The following GRAP2 variants were observed in gnomAD, a reference collection of about 807,000 sequenced individuals.
GRAP2 encodes GRB2-related adapter protein 2.
Under a neutral mutation model 43.5 loss-of-function variants are expected in GRAP2, and 31 were observed. The ratio of observed to expected loss-of-function variants is 0.71; its 90% CI spans 0.54 to 0.96. The LOEUF (loss-of-function observed/expected upper bound fraction) is 0.96. Among genes scored for constraint, GRAP2 ranks in the 40% least tolerant of loss-of-function variants. GRAP2 has a pLI of 0.00. For synonymous variants in GRAP2, 156 were observed against 164.8 expected, an observed-to-expected ratio of 0.95 and a Z score of 0.41; for missense variants, 371 against 424.4, an observed-to-expected ratio of 0.87 and a Z score of 1.11.
chr22:39,935,085 G>C (rs896202521), intron 1 of GRAP2, among the ~76,000 whole-genome samples: 1 of 152,324 alleles, frequency 6.6e-6, no homozygotes, highest in African/African-American at 2.4e-5. Flanking sequence ...AGGAGATCAA[G>C]AGTTGGAACC....
chr22:39,926,913 G>A (rs1438147537), intron 1 of GRAP2: 1 of 913,848 alleles, frequency 1.1e-6, no homozygotes, highest in Non-Finnish European at 1.3e-6. Flanking sequence ...GAAAGATTGA[G>A]GCAGAAGCTG....
chr22:39,899,075 C>T (rs2066476576), upstream of GRAP2, among the ~76,000 whole-genome samples: 1 of 152,192 alleles, frequency 6.6e-6, no homozygotes, highest in Non-Finnish European at 1.5e-5. Context: ...TGCCTTTGCA[C>T]TCGTTCAGTT....
intron 5 of GRAP2, among the ~76,000 whole-genome samples, 187 bp downstream of exon 5, chr22:39,966,345 G>A (rs142608408): frequency 1.7e-4 from 26 of 152,288 alleles, no homozygotes; most frequent in African/African-American, 3.6e-4. Context: ...AGTTCTCTGC[G>A]CCTCAGTTTC....
At chr22:39,962,284 C>T (rs2067127629) in intron 4 of GRAP2, among the ~76,000 whole-genome samples, 1 of 152,010 alleles carries the variant, frequency 6.6e-6, no homozygotes, top group Non-Finnish European at 1.5e-5. Flanking sequence ...TAACCCAGTG[C>T]AGTGGCGCAT....
At chr22:39,940,385 T>G (rs2066855611) in intron 1 of GRAP2, among the ~76,000 whole-genome samples, 2 of 25,174 alleles carry the variant, frequency 7.9e-5, no homozygotes, top group African/African-American at 6.2e-4. Context: ...TTTTGTTTGT[T>G]TTTTTTTTTT....
At chr22:39,929,583 ATGCGTCTCCTGC>A (rs1396737174) in intron 1 of GRAP2, among the ~76,000 whole-genome samples, 1 of 152,108 alleles carries the variant, frequency 6.6e-6, no homozygotes, top group Admixed American at 6.5e-5. Flanking sequence ...CAAAGGGGAG[ATGCGTCTCCTGC>A]TGAACAAATG....
intron 1 of GRAP2, among the ~76,000 whole-genome samples, chr22:39,939,067 T>TA (rs2066837364): frequency 6.6e-6 from 1 of 152,172 alleles, no homozygotes; most frequent in Non-Finnish European, 1.5e-5. Context: ...CAAAACCACC[T>TA]AAAATGGAGG....
At chr22:39,936,679 GGAGA>G (rs1282709988) in intron 1 of GRAP2, among the ~76,000 whole-genome samples, 3 of 152,084 alleles carry the variant, frequency 2.0e-5, no homozygotes, top group South Asian at 4.2e-4. Flanking sequence ...ACAGACAGAA[GGAGA>G]GAGAGAGAAA....
intron 1 of GRAP2, among the ~76,000 whole-genome samples, chr22:39,939,557 G>A (rs868601860): frequency 1.1e-4 from 8 of 72,210 alleles, no homozygotes; most frequent in African/African-American, 4.6e-4. Flanking sequence ...GTGAGACTCC[G>A]TCTCAAAAAA....
intron 1 of GRAP2, among the ~76,000 whole-genome samples, chr22:39,944,612 A>C (rs1239864774): frequency 6.6e-6 from 1 of 152,180 alleles, no homozygotes. Context: ...TGGCTTTGCC[A>C]TACCGCCTAC....
intron 1 of GRAP2, among the ~76,000 whole-genome samples, chr22:39,921,278 C>T (rs2066649522): frequency 6.6e-6 from 1 of 152,152 alleles, no homozygotes; most frequent in Admixed American, 6.5e-5. Flanking sequence ...GCTTAACCAC[C>T]TTGAACCTCT....
rs2066490751 is a variant in GRAP2, at chr22:39,901,255, C to G, written c.-90C>G. The G allele has an allele frequency of 7.8e-7, 1 of 1,274,376 alleles. No homozygotes were observed. Among genetic ancestry groups the G allele is most frequent in the African/African-American group, 1.5e-5 (1 of 65,544 alleles). The allele number at this position is 1,274,376 out of a possible 1,614,324, so 78.9% of individuals were successfully genotyped here. A position where few individuals can be genotyped will look rare whatever the true frequency, so the allele number is the denominator to read the frequency against. ...GTAACTCTGATGCTTGAATTTGTCT[C>G]CCTTCTTGCCAGAAAGGATTCTAAT... is the stretch of plus-strand genomic sequence containing the variant. On this transcript the variant is annotated 5_prime_UTR_variant, in exon 1 of 8. Coordinates refer to ENST00000344138, the MANE Select transcript of GRAP2 (RefSeq NM_004810.4).
At chr22:39,906,082 G>A (rs1478976434) in intron 1 of GRAP2, among the ~76,000 whole-genome samples, 3 of 151,964 alleles carry the variant, frequency 2.0e-5, no homozygotes, top group Non-Finnish European at 4.4e-5. Context: ...ATGAAGTAAT[G>A]GGGGGAAAAA....
intron 1 of GRAP2, among the ~76,000 whole-genome samples, chr22:39,910,882 C>T (rs1022865515): frequency 6.6e-6 from 1 of 152,126 alleles, no homozygotes; most frequent in Non-Finnish European, 1.5e-5. Context: ...GAGTACTTAC[C>T]TGCTGGTGCA....
At chr22:39,922,251 T>C (rs1032486685) in intron 1 of GRAP2, among the ~76,000 whole-genome samples, 1 of 152,050 alleles carries the variant, frequency 6.6e-6, no homozygotes, top group Non-Finnish European at 1.5e-5. Flanking sequence ...AATGAGAAGA[T>C]GAGGCCAGGG....
Position 39,971,839 on chromosome 22 carries a change from G to T in GRAP2, c.*755G>T, listed in dbSNP as rs1321092635. On this transcript the variant is annotated 3_prime_UTR_variant, in exon 8 of 8. Transcript: ENST00000344138. ...AAGCAGCTTACTCAGTGGAACCTCT[G>T]TTTCCCCAGCTATGAAGGAAATAGC... 3.3e-5 allele frequency: 5 copies of T among 152,194 alleles called. No individual in the cohort carries two copies. The highest frequency in any genetic ancestry group is 2.1e-4 in the South Asian group (1 of 4,830). The allele number at this position is 152,194 out of a possible 1,614,324, so 9.4% of individuals were successfully genotyped here. A position where few individuals can be genotyped will look rare whatever the true frequency, so the allele number is the denominator to read the frequency against.
intron 4 of GRAP2, among the ~76,000 whole-genome samples, chr22:39,965,700 C>T (rs962666302): frequency 6.6e-6 from 1 of 152,218 alleles, no homozygotes; most frequent in Non-Finnish European, 1.5e-5. Flanking sequence ...TCACTTGGAA[C>T]ATGCTTTTCT....
chr22:39,935,731 C>T (rs1160622163), intron 1 of GRAP2, among the ~76,000 whole-genome samples: 2 of 152,124 alleles, frequency 1.3e-5, no homozygotes, highest in Admixed American at 6.5e-5. Flanking sequence ...AGCATTCCAA[C>T]AACAAATGAG....
upstream of GRAP2, among the ~76,000 whole-genome samples, chr22:39,899,538 G>A (rs1180817092): frequency 1.3e-5 from 2 of 151,454 alleles, no homozygotes; most frequent in Non-Finnish European, 2.9e-5. Flanking sequence ...CTGAGGTCAA[G>A]GTTGAGACGT....
Sources: allele counts gnomAD v4.1 joint callset (sites outside exome capture counted in the v4.1 genomes callset), GRCh38; gene constraint gnomAD v4.1.1; transcripts MANE v1.5; gene names NCBI Gene and HGNC (gene_info 2026-07-23, HGNC 2026-07-21).